FGF13: variants seen among roughly 807,000 people sequenced by gnomAD.
FGF13 encodes the protein fibroblast growth factor 13, also known as fibroblast growth factor homologous factor 2.
FGF13 carries 2 observed loss-of-function variants against 19.5 expected under a neutral mutation model. The observed-to-expected ratio is 0.10, with a 90% CI of 0.04 to 0.32. FGF13 has a LOEUF of 0.32. FGF13 is among the 10% of genes least tolerant of loss of function. The pLI is 1.00. For missense variants in FGF13, 113 were observed against 192.7 expected (o/e 0.59, Z 2.45); for synonymous variants, 72 against 76.9 (o/e 0.94, Z 0.33).
At chrX:139,064,093 G>A (rs1468468011) in intron 1 of FGF13, among the ~76,000 whole-genome samples, 9 of 110,269 alleles carry the variant, frequency 8.2e-5, no homozygotes, top group Admixed American at 3.9e-4. Context: ...ATTAAGTAAT[G>A]TCCTTCTTTA....
chrX:138,899,728 C>CA (rs2091522281), intron 1 of FGF13, among the ~76,000 whole-genome samples: 1 of 110,759 alleles, frequency 9.0e-6, no homozygotes, highest in Non-Finnish European at 1.9e-5. Context: ...TGGATTTCTC[C>CA]AAAAAAGAAC....
chrX:138,845,517 C>A (rs1004363273), intron 3 of FGF13, among the ~76,000 whole-genome samples: 5 of 111,462 alleles, frequency 4.5e-5, no homozygotes, highest in African/African-American at 6.5e-5. Flanking sequence ...CTTATGGTAT[C>A]CATTTAATAA....
At chrX:138,661,392 T>A (rs1018981975) in intron 3 of FGF13, among the ~76,000 whole-genome samples, 7 of 112,026 alleles carry the variant, frequency 6.2e-5, no homozygotes, top group Non-Finnish European at 1.1e-4. Context: ...TTGCAAAGAC[T>A]TACGGCTAAC....
chrX:139,094,865 C>T (rs1281465903), intron 1 of FGF13, among the ~76,000 whole-genome samples: 1 of 111,948 alleles, frequency 8.9e-6, no homozygotes, highest in Non-Finnish European at 1.9e-5. Context: ...AGTGACGGGT[C>T]TGGACCACAA....
At chrX:139,050,955 T>C (rs755552972) in intron 1 of FGF13, among the ~76,000 whole-genome samples, 161 of 112,085 alleles carry the variant, frequency 1.4e-3, no homozygotes, top group African/African-American at 5.1e-3. Flanking sequence ...CTTCAAATTC[T>C]TCAGTCTGAT....
intron 1 of FGF13, among the ~76,000 whole-genome samples, chrX:139,133,390 G>A (rs946336984): frequency 1.5e-4 from 16 of 105,448 alleles, no homozygotes; most frequent in Non-Finnish European, 2.5e-4. Context: ...GGTGAGAAAC[G>A]CCCAAGATGA....
At chrX:138,929,348 C>A (rs1439056179) in intron 1 of FGF13, among the ~76,000 whole-genome samples, 1 of 109,043 alleles carries the variant, frequency 9.2e-6, no homozygotes, top group Non-Finnish European at 1.9e-5. Context: ...TTATATGACC[C>A]AAGATGATGA....
chrX:139,144,661 T>C (rs1337732325), intron 1 of FGF13, among the ~76,000 whole-genome samples: 1 of 111,324 alleles, frequency 9.0e-6, no homozygotes, highest in African/African-American at 3.3e-5. Flanking sequence ...TCCCCATTAG[T>C]TAAGGAAAGA....
intron 3 of FGF13, among the ~76,000 whole-genome samples, chrX:138,763,918 C>T (rs977873219): frequency 5.4e-5 from 6 of 111,472 alleles, no homozygotes; most frequent in African/African-American, 2.0e-4. Flanking sequence ...CACCAGCTGG[C>T]TGCTCCTTAG....
intron 1 of FGF13, among the ~76,000 whole-genome samples, chrX:138,874,186 TAA>T (rs560392617): frequency 0.028 from 2,657 of 94,380 alleles, 107 homozygotes; most frequent in African/African-American, 0.097. Flanking sequence ...AAAGTAAAAT[TAA>T]AAAAAAAAAA....
intron 1 of FGF13, among the ~76,000 whole-genome samples, chrX:139,118,828 C>A (rs1416059609): frequency 9.0e-6 from 1 of 110,519 alleles, no homozygotes; most frequent in Non-Finnish European, 1.9e-5. Context: ...TCAAAACCAG[C>A]CTGGGCAACA....
intron 3 of FGF13, among the ~76,000 whole-genome samples, chrX:138,659,082 C>T (rs191280612): frequency 1.1e-4 from 12 of 111,663 alleles, no homozygotes; most frequent in Admixed American, 2.9e-4. Flanking sequence ...GTGAAGGACA[C>T]GAGTAATGAC....
chrX:138,939,989 C>T (rs910636371), intron 1 of FGF13, among the ~76,000 whole-genome samples: 10 of 111,894 alleles, frequency 8.9e-5, no homozygotes, highest in African/African-American at 2.9e-4. Context: ...TTTGAGACAT[C>T]GCCATACTGC....
At chrX:139,069,061 C>T (rs1429764308) in intron 1 of FGF13, among the ~76,000 whole-genome samples, 4 of 105,827 alleles carry the variant, frequency 3.8e-5, no homozygotes, top group African/African-American at 1.4e-4. Context: ...GTGGCAATTC[C>T]TCAGGGATCT....
rs2089019633 is a variant in FGF13 at position 138,622,048 on chromosome X, C to A, written c.*10802G>T. The A allele has an allele frequency of 1.0e-5, 1 of 98,220 alleles. No individual in the cohort carries two copies. Among genetic ancestry groups the A allele is most frequent in the Non-Finnish European group, 2.0e-5 (1 of 49,413 alleles). The allele number at this position is 98,220 out of a possible 1,213,427, so 8.1% of individuals were successfully genotyped here. On this transcript the variant is annotated 3_prime_UTR_variant, in exon 5 of 5. Coordinates refer to ENST00000315930, the MANE Select transcript of FGF13 (RefSeq NM_004114.5). ...AAGAAAATCTAATATCAATCCTTCT[C>A]AAATCTTCCAAAAAAAAAAGAAGAG...
intron 3 of FGF13, among the ~76,000 whole-genome samples, chrX:138,782,499 A>G (rs1398456557): frequency 1.8e-5 from 2 of 110,280 alleles, no homozygotes. Context: ...AAAAATCACA[A>G]GCATTCCTAT....
At chrX:139,084,476 G>C (rs970933270) in intron 1 of FGF13, among the ~76,000 whole-genome samples, 1 of 111,591 alleles carries the variant, frequency 9.0e-6, no homozygotes, top group Admixed American at 9.5e-5. Context: ...GCACAACTCT[G>C]ACCTCTTTAA....
chrX:138,695,633 G>A, intron 3 of FGF13, among the ~76,000 whole-genome samples: 1 of 111,620 alleles, frequency 9.0e-6, no homozygotes, highest in Non-Finnish European at 1.9e-5. Context: ...AAAATGAATC[G>A]GAGGATAGGA....
rs149353406 is a variant in FGF13 at position 139,044,468 on chromosome X, T to A, written c.-113+158948A>T. ...GTCCATGAGACATCTGCCCCCATGATCTATACACCCACCAGGTCCCGTCTC... is the reference window on the plus strand; with the variant it reads ...GTCCATGAGACATCTGCCCCCATGAACTATACACCCACCAGGTCCCGTCTC... On this transcript the variant is annotated intron_variant, in intron 1 of 2. Coordinates refer to the FGF13 transcript ENST00000421460. Among the ~76,000 whole-genome samples the A allele has an allele frequency of 9.6e-3, 1,068 of 111,359 alleles. 20 individuals are homozygous for A. Among genetic ancestry groups the A allele is most frequent in the African/African-American group, 0.033 (991 of 30,439 alleles).
Sources: gnomAD v4.1 joint callset for allele counts (sites outside exome capture counted in the v4.1 genomes callset) on GRCh38, gnomAD v4.1.1 for gene constraint, MANE v1.5 for transcripts, NCBI Gene and HGNC (gene_info 2026-07-23, HGNC 2026-07-21) for gene names.